The following DPP10 variants were observed in gnomAD, a reference collection of about 807,000 sequenced individuals.
The protein encoded by DPP10 is inactive dipeptidyl peptidase 10.
Under a neutral mutation model 120.9 loss-of-function variants are expected in DPP10, and 33 were observed. The ratio of observed to expected loss-of-function variants is 0.27; its 90% confidence interval spans 0.21 to 0.37. The LOEUF is 0.37. DPP10 is among the 10% of genes least tolerant of loss of function. The pLI is 1.00. For missense variants in DPP10, 816 were observed against 942.8 expected (o/e 0.87, Z 1.76); for synonymous variants, 337 against 326.1 (o/e 1.03, Z -0.36).
intron 3 of DPP10, among the ~76,000 whole-genome samples, chr2:115,494,651 G>T (rs1405386939): frequency 6.6e-6 from 1 of 152,006 alleles, no homozygotes; most frequent in African/African-American, 2.4e-5. Flanking sequence ...ATTTATTTGA[G>T]CATTTCCTGT....
intron 1 of DPP10, among the ~76,000 whole-genome samples, chr2:114,982,844 C>T (rs906221430): frequency 5.3e-5 from 8 of 151,808 alleles, no homozygotes; most frequent in Non-Finnish European, 1.0e-4. Flanking sequence ...TGGGCTCAAG[C>T]GATCTGCCCA....
At chr2:114,538,908 C>A (rs73946194) in intron 1 of DPP10, among the ~76,000 whole-genome samples, 3 of 152,200 alleles carry the variant, frequency 2.0e-5, no homozygotes, top group East Asian at 3.9e-4. Flanking sequence ...AGCTTCACAT[C>A]GCTTTTTCTC....
chr2:115,529,725 A>G (rs1488595922), intron 5 of DPP10, among the ~76,000 whole-genome samples: 1 of 152,140 alleles, frequency 6.6e-6, no homozygotes, highest in Non-Finnish European at 1.5e-5. Flanking sequence ...TGTCCAAGTC[A>G]GTTGATTTCT....
At chr2:114,929,284 A>G (rs370168850) in intron 1 of DPP10, among the ~76,000 whole-genome samples, 4 of 152,170 alleles carry the variant, frequency 2.6e-5, no homozygotes, top group Admixed American at 2.0e-4. Flanking sequence ...CGCACGCATT[A>G]TCATTGATAA....
intron 1 of DPP10, among the ~76,000 whole-genome samples, chr2:114,958,346 G>T (rs1186086946): frequency 6.6e-6 from 1 of 152,074 alleles, no homozygotes; most frequent in Non-Finnish European, 1.5e-5. Flanking sequence ...GTTAGGTCAT[G>T]GTTCAGCCAC....
At chr2:114,769,968 G>A (rs1042595213) in intron 1 of DPP10, among the ~76,000 whole-genome samples, 7 of 152,110 alleles carry the variant, frequency 4.6e-5, no homozygotes, top group African/African-American at 1.4e-4. Flanking sequence ...GACACAGACC[G>A]AAACACTAAC....
At chr2:115,408,938 G>A (rs2068731766) in intron 3 of DPP10, among the ~76,000 whole-genome samples, 1 of 151,772 alleles carries the variant, frequency 6.6e-6, no homozygotes, top group Non-Finnish European at 1.5e-5. Context: ...GTAATTAGAA[G>A]TAAATAAATA....
At chr2:114,723,273 T>G (rs1224084554) in intron 1 of DPP10, among the ~76,000 whole-genome samples, 1 of 152,196 alleles carries the variant, frequency 6.6e-6, no homozygotes, top group East Asian at 1.9e-4. Flanking sequence ...AAAATGCAAA[T>G]TCCTCATAAA....
chr2:115,386,143 G>A (rs963851), intron 3 of DPP10, among the ~76,000 whole-genome samples: 101,861 of 152,072 alleles, frequency 0.67, 34,403 homozygotes, highest in Admixed American at 0.75. Context: ...ACTTTATAAA[G>A]GAGGAAAGAG....
intron 5 of DPP10, among the ~76,000 whole-genome samples, chr2:115,587,164 C>G (rs893005636): frequency 7.8e-6 from 1 of 128,848 alleles, no homozygotes; most frequent in East Asian, 2.6e-4. Context: ...GTGGCACGAT[C>G]TTGGCTCACT....
rs10675008 is a variant in DPP10, at chr2:115,286,526, A to ATATATATATATATATATATATATATATAT, written c.61-22713_61-22712insTATATATATATATATATATATATATATAT. On this transcript the variant is annotated intron_variant, in intron 1 of 25. Coordinates refer to ENST00000410059, the MANE Select transcript of DPP10 (RefSeq NM_020868.6). ...TATTACATATATAATATATATATAT[A>ATATATATATATATATATATATATATATAT]ATATATATATATATAAAATATATAC... Among the ~76,000 whole-genome samples the ATATATATATATATATATATATATATATAT allele has an allele frequency of 3.3e-4, 20 of 60,930 alleles. 1 individual carries two copies. Among genetic ancestry groups the ATATATATATATATATATATATATATATAT allele is most frequent in the Non-Finnish European group, 4.6e-4 (14 of 30,136 alleles). The allele number at this position is 60,930 out of a possible 152,430, so 40.0% of individuals were successfully genotyped here. A position where few individuals can be genotyped will look rare whatever the true frequency, so the allele number is the denominator to read the frequency against.
intron 1 of DPP10, among the ~76,000 whole-genome samples, chr2:114,713,719 A>T (rs1030280014): frequency 6.6e-6 from 1 of 152,152 alleles, no homozygotes; most frequent in Non-Finnish European, 1.5e-5. Context: ...GGCTGGGCGC[A>T]GTGGCTCATG....
chr2:114,876,841 T>C (rs1691201776), intron 1 of DPP10, among the ~76,000 whole-genome samples: 2 of 152,038 alleles, frequency 1.3e-5, no homozygotes, highest in Non-Finnish European at 2.9e-5. Flanking sequence ...ACAAGACCCA[T>C]TGCGAAATGA....
chr2:114,668,736 G>A (rs528107365), intron 1 of DPP10, among the ~76,000 whole-genome samples: 1 of 152,220 alleles, frequency 6.6e-6, no homozygotes, highest in East Asian at 1.9e-4. Flanking sequence ...TTCCTTATAT[G>A]TGTGAAAATA....
intron 1 of DPP10, among the ~76,000 whole-genome samples, chr2:114,637,699 A>G (rs1370964592): frequency 6.6e-6 from 1 of 151,874 alleles, no homozygotes; most frequent in Non-Finnish European, 1.5e-5. Flanking sequence ...ATTCTCTTGC[A>G]TATGGCTAGC....
intron 1 of DPP10, among the ~76,000 whole-genome samples, chr2:114,794,895 T>C (rs536984096): frequency 6.6e-6 from 1 of 152,338 alleles, no homozygotes; most frequent in East Asian, 1.9e-4. Flanking sequence ...TAATAATATG[T>C]CAAGGAATGA....
chr2:115,423,075 A>T (rs930377226), intron 3 of DPP10, among the ~76,000 whole-genome samples: 3 of 152,106 alleles, frequency 2.0e-5, no homozygotes, highest in Admixed American at 1.3e-4. Context: ...CAGGAAAATA[A>T]TTTTAATGTG....
intron 1 of DPP10, among the ~76,000 whole-genome samples, chr2:115,011,823 T>C (rs563687871): frequency 6.6e-6 from 1 of 152,158 alleles, no homozygotes; most frequent in Non-Finnish European, 1.5e-5. Context: ...GCAGGCTCCC[T>C]GAGACACTGA....
chr2:115,443,607 A>G (rs1353157856), intron 3 of DPP10, among the ~76,000 whole-genome samples: 3 of 152,182 alleles, frequency 2.0e-5, no homozygotes, highest in African/African-American at 7.2e-5. Context: ...ATATCAAAGT[A>G]ATTTAGGTCA....
Sources: gnomAD v4.1 joint callset for allele counts (sites outside exome capture counted in the v4.1 genomes callset) on GRCh38, gnomAD v4.1.1 for gene constraint, MANE v1.5 for transcripts, NCBI Gene and HGNC (gene_info 2026-07-23, HGNC 2026-07-21) for gene names.